The following VPS41 variants were observed in gnomAD, a reference collection of about 807,000 sequenced individuals.
VPS41 encodes VPS41 subunit of HOPS complex, also known as vacuolar protein sorting-associated protein 41 homolog.
In VPS41, 85 loss-of-function variants were observed where a neutral mutation model predicts 130.9. The observed-to-expected ratio is 0.65, with a 90% confidence interval of 0.55 to 0.78. The LOEUF (loss-of-function observed/expected upper bound fraction) is 0.78, where lower values mean the gene tolerates loss of function less well. Among genes scored for constraint, VPS41 ranks in the 30% least tolerant of loss-of-function variants. VPS41 has a pLI of 0.00. For missense variants in VPS41, 874 were observed against 1,018.7 expected (o/e 0.86, Z 1.93); for synonymous variants, 335 against 332.9 (o/e 1.01, Z -0.07).
chr7:38,886,742 G>A (rs1261840159), intron 2 of VPS41, among the ~76,000 whole-genome samples: 2 of 152,180 alleles, frequency 1.3e-5, no homozygotes, highest in African/African-American at 2.4e-5. Flanking sequence ...CCCCTGGGTA[G>A]CCTGACTGGG....
chr7:38,758,536 T>G (rs1443062951), intron 17 of VPS41, 55 bp from the exon 18 acceptor site: 1 of 1,546,682 alleles, frequency 6.5e-7, no homozygotes, highest in Non-Finnish European at 8.8e-7. Context: ...ATAATAGTTG[T>G]GATATTGTGA....
chr7:38,846,326 TC>T lies in VPS41; in HGVS notation c.247-15999del, dbSNP rs1785723008. On this transcript the variant is annotated intron_variant, in intron 4 of 28. Coordinates refer to ENST00000310301, the MANE Select transcript of VPS41 (RefSeq NM_014396.4). ...TCATTAATGTAATATCCCTAGCACA[TC>T]CTTTGAGACTGTTTGCTGAAGGAGT... Among the ~76,000 whole-genome samples, 8 of 152,320 alleles carry T rather than the reference TC, an allele frequency of 5.3e-5. No homozygotes were observed. The South Asian group carries it at 1.7e-3, about 32-fold the overall frequency.
intron 6 of VPS41, among the ~76,000 whole-genome samples, chr7:38,820,668 A>T (rs73121378): frequency 6.6e-6 from 1 of 152,296 alleles, no homozygotes; most frequent in South Asian, 2.1e-4. Context: ...TTGTGAAATC[A>T]GTCTTTTATG....
chr7:38,784,527 T>C (rs544501476), intron 10 of VPS41, among the ~76,000 whole-genome samples: 12 of 152,076 alleles, frequency 7.9e-5, no homozygotes, highest in African/African-American at 2.9e-4. Context: ...CCCAGCTACT[T>C]AGAAGGCTGA....
chr7:38,728,263 T>C (rs966674596), intron 27 of VPS41: 1 of 594,222 alleles, frequency 1.7e-6, no homozygotes. Context: ...CCTGGAAGTT[T>C]GGAACCAGAG....
chr7:38,804,090 T>A (rs1223488895), intron 7 of VPS41, among the ~76,000 whole-genome samples: 1 of 152,224 alleles, frequency 6.6e-6, no homozygotes, highest in Admixed American at 6.5e-5. Flanking sequence ...GGAAAACCTC[T>A]GTGCACAAGG....
At chr7:38,737,625 C>T (rs969261262) in intron 25 of VPS41, among the ~76,000 whole-genome samples, 10 of 152,082 alleles carry the variant, frequency 6.6e-5, no homozygotes, top group African/African-American at 1.9e-4. Flanking sequence ...AAAGCAGGGG[C>T]GAGGGCCTGC....
intron 21 of VPS41, 100 bp from the exon 22 acceptor site, chr7:38,752,413 T>G (rs970581269): frequency 2.1e-6 from 3 of 1,426,250 alleles, no homozygotes; most frequent in East Asian, 2.4e-5. Context: ...CATGGACAGG[T>G]TGGGGGAGAA....
At chr7:38,818,057 C>G (rs1014414975) in intron 6 of VPS41, among the ~76,000 whole-genome samples, 175 bp from the exon 7 acceptor site, 10 of 152,086 alleles carry the variant, frequency 6.6e-5, no homozygotes, top group Non-Finnish European at 1.3e-4. Flanking sequence ...TTTCTTCTTA[C>G]GTGAAAAGAT....
At chr7:38,900,671 A>G (rs1212213084) in intron 1 of VPS41, among the ~76,000 whole-genome samples, 2 of 152,224 alleles carry the variant, frequency 1.3e-5, no homozygotes, top group Non-Finnish European at 2.9e-5. Flanking sequence ...AAGATCTGAG[A>G]CCTGAATCTT....
intron 2 of VPS41, among the ~76,000 whole-genome samples, chr7:38,877,066 G>A (rs557459266): frequency 1.3e-5 from 2 of 152,082 alleles, no homozygotes; most frequent in African/African-American, 2.4e-5. Flanking sequence ...TTCCTCTCTT[G>A]CCAATATCCC....
At chr7:38,883,812 C>A (rs566393478) in intron 2 of VPS41, among the ~76,000 whole-genome samples, 7 of 152,186 alleles carry the variant, frequency 4.6e-5, no homozygotes, top group Admixed American at 4.6e-4. Flanking sequence ...AAAAATCTTG[C>A]CCCCAGAAAG....
chr7:38,742,093 A>G lies in VPS41; in HGVS notation c.2151T>C (p.Ile717=), dbSNP rs942907307. ...PPFITGLLNN[I]GTHVDPILLI... is the part of the protein sequence containing the mutation. ...GTAGAATTGGGTCAACATGTGTGCC[A>G]ATGTTGTTTAACAAGCCAGTAATAA... Residue 717 remains isoleucine (I), a synonymous_variant, in exon 25 of 29, where the codon ATT becomes ATC. Transcript: ENST00000310301. The G allele has an allele frequency of 3.7e-6, 6 of 1,611,216 alleles. No individual in the cohort carries two copies. The highest frequency in any genetic ancestry group is 1.6e-4 in the Middle Eastern group (1 of 6,078).
chr7:38,854,762 A>C (rs1359870321), intron 4 of VPS41, among the ~76,000 whole-genome samples: 1 of 152,128 alleles, frequency 6.6e-6, no homozygotes, highest in Non-Finnish European at 1.5e-5. Context: ...TAAATTACAC[A>C]AACTGTCCTC....
At chr7:38,908,193 A>C (rs1032529892) in intron 1 of VPS41, among the ~76,000 whole-genome samples, 1 of 149,474 alleles carries the variant, frequency 6.7e-6, no homozygotes, top group Non-Finnish European at 1.5e-5. Flanking sequence ...AGAGACAATG[A>C]CTGCAACTGA....
chr7:38,844,802 A>G (rs922182092), intron 4 of VPS41, among the ~76,000 whole-genome samples: 9 of 152,176 alleles, frequency 5.9e-5, no homozygotes, highest in Non-Finnish European at 1.2e-4. Flanking sequence ...GAGACCATAG[A>G]AAATGACCAT....
At chr7:38,870,218 G>T (rs926659467) in intron 2 of VPS41, among the ~76,000 whole-genome samples, 1 of 152,152 alleles carries the variant, frequency 6.6e-6, no homozygotes, top group African/African-American at 2.4e-5. Context: ...TGGAAGAGAG[G>T]CAGAGACATG....
chr7:38,748,281 T>A lies in VPS41; in HGVS notation c.1927-2668A>T, dbSNP rs528806374. Reference sequence around the variant, plus strand: ...TAGAAGTGAAAAATCAGAATAATAATAGAACTTGAGTAAAAAATGATGCAA... The same window carrying A: ...TAGAAGTGAAAAATCAGAATAATAAAAGAACTTGAGTAAAAAATGATGCAA... On this transcript the variant is annotated intron_variant, in intron 22 of 28. Transcript: ENST00000310301. 2.2e-4 allele frequency among the ~76,000 whole-genome samples: 34 copies of A among 152,208 alleles called. No individual in the cohort carries two copies. In the South Asian group the frequency reaches 2.7e-3, roughly 12 times the overall value.
At chr7:38,817,481 G>A (rs1032891777) in intron 7 of VPS41, among the ~76,000 whole-genome samples, 14 of 152,126 alleles carry the variant, frequency 9.2e-5, no homozygotes, top group Non-Finnish European at 1.3e-4. Flanking sequence ...AGCCAGGCAC[G>A]ATAGTGGGCA....
Sources: gnomAD v4.1 joint callset for allele counts (sites outside exome capture counted in the v4.1 genomes callset) on GRCh38, gnomAD v4.1.1 for gene constraint, MANE v1.5 for transcripts, NCBI Gene and HGNC (gene_info 2026-07-23, HGNC 2026-07-21) for gene names.